The following HS6ST3 variants were observed in gnomAD, a reference collection of about 807,000 sequenced individuals.
HS6ST3 encodes the protein heparan sulfate 6-O-sulfotransferase 3, also known as heparan-sulfate 6-O-sulfotransferase 3.
A neutral mutation model predicts 36.7 loss-of-function variants in HS6ST3; 12 were observed. That is an observed-to-expected ratio of 0.33 (90% CI 0.21 to 0.53). The LOEUF is 0.53. HS6ST3 is among the 20% of genes least tolerant of loss of function. The pLI, the probability that HS6ST3 is intolerant of heterozygous loss-of-function variation, is 0.95. For synonymous variants in HS6ST3, 240 were observed against 257.5 expected, an observed-to-expected ratio of 0.93 and a Z score of 0.65; for missense variants, 584 against 640.9, an observed-to-expected ratio of 0.91 and a Z score of 0.96.
rs535351490 is a variant in HS6ST3 at position 96,331,838 on chromosome 13, G to A, written c.707+240269G>A. Among the ~76,000 whole-genome samples, 20 of 152,254 alleles carry A rather than the reference G, an allele frequency of 1.3e-4. No homozygotes were observed. In the South Asian group the frequency reaches 3.9e-3, roughly 30 times the overall value. ...CTGTGCTAGCAATCAGCGAGACTCC[G>A]TGGGCGCAGGACCCTCCGAGCCAGG... On this transcript the variant is annotated intron_variant, in intron 1 of 1. Transcript: ENST00000376705.
intron 1 of HS6ST3, among the ~76,000 whole-genome samples, chr13:96,514,373 T>C (rs1431054322): frequency 6.6e-6 from 1 of 152,168 alleles, no homozygotes; most frequent in Non-Finnish European, 1.5e-5. Flanking sequence ...GCTCTGATCA[T>C]TGGGATGAAT....
chr13:96,264,219 G>C (rs989101302), intron 1 of HS6ST3, among the ~76,000 whole-genome samples: 1 of 152,104 alleles, frequency 6.6e-6, no homozygotes, highest in Non-Finnish European at 1.5e-5. Flanking sequence ...TGTTTATGCA[G>C]GTATCACTAT....
intron 1 of HS6ST3, among the ~76,000 whole-genome samples, chr13:96,217,018 G>A (rs1465233752): frequency 6.6e-6 from 1 of 152,068 alleles, no homozygotes; most frequent in Non-Finnish European, 1.5e-5. Context: ...CTCTCTTTCT[G>A]TGTTCCGCCT....
intron 1 of HS6ST3, among the ~76,000 whole-genome samples, chr13:96,544,151 A>G (rs1016919422): frequency 4.6e-5 from 7 of 152,132 alleles, no homozygotes; most frequent in Non-Finnish European, 8.8e-5. Context: ...TCTCACTGAC[A>G]TCTGATAAAC....
intron 1 of HS6ST3, among the ~76,000 whole-genome samples, chr13:96,721,218 T>C (rs1205106047): frequency 6.6e-6 from 1 of 152,182 alleles, no homozygotes; most frequent in Admixed American, 6.6e-5. Flanking sequence ...CTTAGATATA[T>C]AATTTTAGAA....
intron 1 of HS6ST3, among the ~76,000 whole-genome samples, chr13:96,773,853 G>T (rs1036146840): frequency 6.6e-6 from 1 of 152,178 alleles, no homozygotes; most frequent in African/African-American, 2.4e-5. Flanking sequence ...CTCCTCAAGT[G>T]GGTCCCTGAC....
chr13:96,517,638 G>T (rs189760526), intron 1 of HS6ST3, among the ~76,000 whole-genome samples: 367 of 152,156 alleles, frequency 2.4e-3, no homozygotes, highest in Non-Finnish European at 4.2e-3. Flanking sequence ...CACATGTGCA[G>T]GTTTGCTACA....
At chr13:96,786,413 T>C (rs566517906) in intron 1 of HS6ST3, among the ~76,000 whole-genome samples, 6 of 152,258 alleles carry the variant, frequency 3.9e-5, no homozygotes, top group African/African-American at 1.4e-4. Context: ...AGTTTGTAAA[T>C]TCCTTAATGT....
intron 1 of HS6ST3, among the ~76,000 whole-genome samples, chr13:96,100,580 G>A (rs1174609494): frequency 1.3e-5 from 2 of 152,214 alleles, no homozygotes; most frequent in Non-Finnish European, 2.9e-5. Context: ...AGAGCCGAAG[G>A]AGAAACTTCT....
chr13:96,601,654 T>C (rs2056421961), intron 1 of HS6ST3, among the ~76,000 whole-genome samples: 1 of 152,208 alleles, frequency 6.6e-6, no homozygotes, highest in South Asian at 2.1e-4. Context: ...GGAGAGTTAG[T>C]ATAATCTTTT....
At chr13:96,774,958 A>T (rs1350860367) in intron 1 of HS6ST3, among the ~76,000 whole-genome samples, 1 of 152,216 alleles carries the variant, frequency 6.6e-6, no homozygotes, top group Non-Finnish European at 1.5e-5. Context: ...CACCAAGGGA[A>T]GCCCACCAGA....
At position 96,230,032 on chromosome 13, in the gene HS6ST3, T is replaced by G. The variant is rs1370401103; in HGVS notation, c.707+138463T>G. ...GTTCAAGAATTGCAAGTAACTCAGGTTAGAGCATGGGAGGAACATGTTGAA... is the reference window on the plus strand; with the variant it reads ...GTTCAAGAATTGCAAGTAACTCAGGGTAGAGCATGGGAGGAACATGTTGAA... On this transcript the variant is annotated intron_variant, in intron 1 of 1. Transcript: ENST00000376705. Among the ~76,000 whole-genome samples, 4 of 152,106 alleles carry G rather than the reference T, an allele frequency of 2.6e-5. No individual in the cohort carries two copies. The East Asian group carries it at 7.7e-4, about 29-fold the overall frequency.
At chr13:96,809,899 C>T (rs1262004245) in intron 1 of HS6ST3, among the ~76,000 whole-genome samples, 1 of 152,174 alleles carries the variant, frequency 6.6e-6, no homozygotes, top group Admixed American at 6.5e-5. Flanking sequence ...GGTTATGTTT[C>T]CATAGAGCTT....
intron 1 of HS6ST3, among the ~76,000 whole-genome samples, chr13:96,357,072 C>G (rs1251117729): frequency 6.6e-6 from 1 of 152,212 alleles, no homozygotes; most frequent in Non-Finnish European, 1.5e-5. Context: ...CTGCAATTTC[C>G]TCACTTCTCT....
chr13:96,567,458 G>T (rs2056285539), intron 1 of HS6ST3, among the ~76,000 whole-genome samples: 1 of 152,090 alleles, frequency 6.6e-6, no homozygotes, highest in South Asian at 2.1e-4. Context: ...GAAAAAATCT[G>T]CGGGGAAGTA....
intron 1 of HS6ST3, among the ~76,000 whole-genome samples, chr13:96,635,636 T>G (rs2056546928): frequency 6.6e-6 from 1 of 152,190 alleles, no homozygotes; most frequent in Admixed American, 6.5e-5. Flanking sequence ...TATGCATCTG[T>G]GTTCTGACTA....
At chr13:96,386,244 TGTGA>T (rs1324407336) in intron 1 of HS6ST3, among the ~76,000 whole-genome samples, 3 of 152,212 alleles carry the variant, frequency 2.0e-5, no homozygotes, top group Admixed American at 2.0e-4. Flanking sequence ...ACATGAATTA[TGTGA>T]GTAAGTATAT....
At chr13:96,488,790 C>T (rs2055929171) in intron 1 of HS6ST3, among the ~76,000 whole-genome samples, 1 of 152,026 alleles carries the variant, frequency 6.6e-6, no homozygotes, top group Non-Finnish European at 1.5e-5. Context: ...ACTTTGAATG[C>T]TTCTACTTCA....
At chr13:96,628,644 A>G (rs1437424849) in intron 1 of HS6ST3, among the ~76,000 whole-genome samples, 2 of 152,116 alleles carry the variant, frequency 1.3e-5, no homozygotes, top group African/African-American at 4.8e-5. Context: ...CAAAGCATAT[A>G]ATTCAAAGCC....
Sources: gnomAD v4.1 joint callset for allele counts (sites outside exome capture counted in the v4.1 genomes callset) on GRCh38, gnomAD v4.1.1 for gene constraint, MANE v1.5 for transcripts, NCBI Gene and HGNC (gene_info 2026-07-23, HGNC 2026-07-21) for gene names.